The following CASTOR2 variants were observed in gnomAD, a reference collection of about 807,000 sequenced individuals.
The protein encoded by CASTOR2 is cytosolic arginine sensor for mTORC1 subunit 2, also known as GATS protein like 2.
Under a neutral mutation model 31.2 loss-of-function variants are expected in CASTOR2, and 8 were observed. The observed-to-expected ratio is 0.26, with a 90% CI of 0.15 to 0.46. CASTOR2 has a LOEUF of 0.46. Among genes scored for constraint, CASTOR2 ranks in the 20% least tolerant of loss-of-function variants. The probability of loss-of-function intolerance (pLI) is 0.99; values close to 1 mark genes in which losing one functional copy is unlikely to be tolerated. For missense variants in CASTOR2, 216 were observed against 382.1 expected, an observed-to-expected ratio of 0.57 and a Z score of 3.62; for synonymous variants, 162 against 158.7, an observed-to-expected ratio of 1.02 and a Z score of -0.16.
At chr7:75,016,255 T>C (rs1383508081) in intron 2 of CASTOR2, among the ~76,000 whole-genome samples, 1 of 152,162 alleles carries the variant, frequency 6.6e-6, no homozygotes, top group African/African-American at 2.4e-5. Flanking sequence ...TGTGCCTGTG[T>C]CCCACATTCA....
Position 74,992,288 on chromosome 7 carries a change from TTCCC to T in CASTOR2, c.114-15705_114-15702del, listed in dbSNP as rs1554437424. On this transcript the variant is annotated intron_variant, in intron 1 of 8. Transcript: ENST00000616305. ...ATGATCTATTCCATGCTAAAAGTCT[TTCCC>T]CTTAAGATGCTAATCAAGGAACTGT... Among the ~76,000 whole-genome samples, 511 of 152,262 alleles carry T rather than the reference TTCCC, an allele frequency of 3.4e-3. 5 individuals are homozygous for T. Among genetic ancestry groups the T allele is most frequent in the African/African-American group, 0.012 (487 of 41,554 alleles).
chr7:75,008,421 A>C (rs1387825875), intron 2 of CASTOR2, among the ~76,000 whole-genome samples: 1 of 152,204 alleles, frequency 6.6e-6, no homozygotes, highest in Non-Finnish European at 1.5e-5. Flanking sequence ...GCTTTAGAAC[A>C]TCTTCAGTCG....
chr7:75,015,024 C>T (rs1379970195), intron 2 of CASTOR2, among the ~76,000 whole-genome samples: 6 of 152,222 alleles, frequency 3.9e-5, no homozygotes, highest in African/African-American at 1.4e-4. Context: ...TCTGTGCAGC[C>T]GCCTGCCTCT....
intron 1 of CASTOR2, among the ~76,000 whole-genome samples, chr7:74,993,154 G>A (rs1235524594): frequency 2.2e-4 from 33 of 152,082 alleles, no homozygotes; most frequent in Non-Finnish European, 3.2e-4. Flanking sequence ...AGCAGAGATC[G>A]CGTGACTGCA....
chr7:75,004,683 G>C (rs1471919428), intron 1 of CASTOR2, among the ~76,000 whole-genome samples: 5 of 152,126 alleles, frequency 3.3e-5, no homozygotes, highest in African/African-American at 7.2e-5. Flanking sequence ...CTGACCTCGA[G>C]TGATCCGCCC....
intron 1 of CASTOR2, among the ~76,000 whole-genome samples, chr7:75,000,286 G>A (rs1804462973): frequency 6.6e-6 from 1 of 152,170 alleles, no homozygotes; most frequent in Non-Finnish European, 1.5e-5. Context: ...CATCAGCAGG[G>A]AGGCAGCCAG....
intron 1 of CASTOR2, among the ~76,000 whole-genome samples, chr7:75,006,731 C>G (rs1386768536): frequency 8.5e-5 from 13 of 152,192 alleles, no homozygotes; most frequent in African/African-American, 2.4e-4. Flanking sequence ...ATAAGTCTCA[C>G]GAGATCTGAT....
chr7:75,023,789 G>A (rs1226905327), intron 7 of CASTOR2, among the ~76,000 whole-genome samples: 5 of 152,130 alleles, frequency 3.3e-5, no homozygotes, highest in Non-Finnish European at 5.9e-5. Context: ...TTACTGTCAC[G>A]AGAACAGTAC....
At position 75,025,479 on chromosome 7, in the gene CASTOR2, C is replaced by T. The variant is rs1299941761; in HGVS notation, c.*780C>T. Among the ~76,000 whole-genome samples, 4 of 152,246 alleles carry T rather than the reference C, an allele frequency of 2.6e-5. No homozygotes were observed. The highest frequency in any genetic ancestry group is 2.6e-4 in the Admixed American group (4 of 15,290). ...TCCCCTCGGCTCTCCCTGGACCCGA[C>T]TTGGGCAGGTAGAGCCTCAGCTTCC... On this transcript the variant is annotated 3_prime_UTR_variant, in exon 9 of 9. Coordinates refer to ENST00000616305, the MANE Select transcript of CASTOR2 (RefSeq NM_001145064.3).
chr7:75,023,047 G>A (rs1370384106), intron 7 of CASTOR2, among the ~76,000 whole-genome samples: 1 of 152,182 alleles, frequency 6.6e-6, no homozygotes, highest in Non-Finnish European at 1.5e-5. Flanking sequence ...GGTGGCTTAC[G>A]CCTGTAATCC....
At position 75,030,014 on chromosome 7, in the gene CASTOR2, C is replaced by A. The variant is rs879107261; in HGVS notation, c.*5315C>A. 4.6e-5 allele frequency among the ~76,000 whole-genome samples: 7 copies of A among 152,088 alleles called. No homozygotes were observed. Among genetic ancestry groups the A allele is most frequent in the African/African-American group, 1.7e-4 (7 of 41,406 alleles). On this transcript the variant is annotated 3_prime_UTR_variant, in exon 9 of 9. Transcript: ENST00000616305. ...CTCTACAAGAAAATAACGAAAGAGG[C>A]CCCAGGGAAGGAAGCCAGCCAGGAG...
At chr7:75,023,470 GTTTTTTGTT>G (rs1805055439) in intron 7 of CASTOR2, among the ~76,000 whole-genome samples, 6 of 24,922 alleles carry the variant, frequency 2.4e-4, no homozygotes, top group Non-Finnish European at 9.1e-5. Flanking sequence ...TTTTCTTTTT[GTTTTTTGTT>G]TTTTTTTTTT....
At chr7:75,018,790 T>C (rs1333010709) in intron 4 of CASTOR2, among the ~76,000 whole-genome samples, 182 bp from the exon 5 acceptor site, 1 of 152,212 alleles carries the variant, frequency 6.6e-6, no homozygotes, top group Non-Finnish European at 1.5e-5. Context: ...CCCAGGGGCC[T>C]GAGGGTGAGA....
At chr7:74,992,559 C>T (rs1384150802) in intron 1 of CASTOR2, among the ~76,000 whole-genome samples, 1 of 152,124 alleles carries the variant, frequency 6.6e-6, no homozygotes, top group Non-Finnish European at 1.5e-5. Context: ...TCTGCCTCAG[C>T]CTCCAGAGTA....
Position 74,971,119 on chromosome 7 carries a change from T to C in CASTOR2, c.113+6021T>C, listed in dbSNP as rs587657806. On this transcript the variant is annotated intron_variant, in intron 1 of 8. Coordinates refer to ENST00000616305, the MANE Select transcript of CASTOR2 (RefSeq NM_001145064.3). ...CAAGCAATTCTCCTGCCTCAGCCTC[T>C]GGAGTAGCTAGGATTACAGGCACCC... 3.4e-5 allele frequency among the ~76,000 whole-genome samples: 5 copies of C among 148,286 alleles called. No homozygotes were observed. The South Asian group carries it at 8.6e-4, about 26-fold the overall frequency.
Position 75,025,570 on chromosome 7 carries a change from A to T in CASTOR2, c.*871A>T, listed in dbSNP as rs2131960454. Reference sequence around the variant, plus strand: ...TTAGGTGGTGTCCCACCTCCCCAACAGACAACTAGACCAGCATAGGACTCC... The same window carrying T: ...TTAGGTGGTGTCCCACCTCCCCAACTGACAACTAGACCAGCATAGGACTCC... On this transcript the variant is annotated 3_prime_UTR_variant, in exon 9 of 9. Coordinates refer to ENST00000616305, the MANE Select transcript of CASTOR2 (RefSeq NM_001145064.3). Among the ~76,000 whole-genome samples the T allele has an allele frequency of 6.6e-6, 1 of 152,254 alleles. No homozygotes were observed. The highest frequency in any genetic ancestry group is 2.1e-4 in the South Asian group (1 of 4,826).
chr7:74,965,850 T>TCACACA (rs1177991219), intron 1 of CASTOR2, among the ~76,000 whole-genome samples: 8 of 10,528 alleles, frequency 7.6e-4, no homozygotes, highest in African/African-American at 9.8e-4. Flanking sequence ...AAAGAGGGAA[T>TCACACA]CACACACACA....
At chr7:74,978,326 A>ACTCCTGAC (rs1803874158) in intron 1 of CASTOR2, among the ~76,000 whole-genome samples, 1 of 137,284 alleles carries the variant, frequency 7.3e-6, no homozygotes, top group Non-Finnish European at 1.6e-5. Context: ...CTGGTCTTGA[A>ACTCCTGAC]CTCCTGACCT....
chr7:74,994,449 A>C (rs1488792712), intron 1 of CASTOR2, among the ~76,000 whole-genome samples: 1 of 152,110 alleles, frequency 6.6e-6, no homozygotes, highest in East Asian at 1.9e-4. Context: ...CAGAGAGTTG[A>C]TGGGACAAAT....
Sources: gnomAD v4.1 joint callset for allele counts (sites outside exome capture counted in the v4.1 genomes callset) on GRCh38, gnomAD v4.1.1 for gene constraint, MANE v1.5 for transcripts, NCBI Gene and HGNC (gene_info 2026-07-23, HGNC 2026-07-21) for gene names.